Variants in B3GLCT observed in about 807,000 individuals in gnomAD.
B3GLCT encodes the protein beta-1,3-glucosyltransferase.
A neutral mutation model predicts 63.4 loss-of-function variants in B3GLCT; 65 were observed. The ratio of observed to expected loss-of-function variants is 1.03; its 90% CI spans 0.84 to 1.26. The LOEUF is 1.26. Among genes scored for constraint, B3GLCT ranks in the 50% most tolerant of loss-of-function variants. The pLI, the probability that B3GLCT is intolerant of heterozygous loss-of-function variation, is 0.00. For missense variants in B3GLCT, 577 were observed against 604.8 expected (o/e 0.95, Z 0.48); for synonymous variants, 233 against 219.2 (o/e 1.06, Z -0.55).
intron 12 of B3GLCT, among the ~76,000 whole-genome samples, chr13:31,302,151 G>C (rs986694076): frequency 2.0e-5 from 3 of 152,100 alleles, no homozygotes; most frequent in Admixed American, 6.5e-5. Flanking sequence ...GTAAAGCTTA[G>C]ACCACAAATT....
intron 10 of B3GLCT, among the ~76,000 whole-genome samples, chr13:31,282,300 C>G (rs1873107404): frequency 6.6e-6 from 1 of 151,978 alleles, no homozygotes; most frequent in African/African-American, 2.4e-5. Context: ...GAAAATAAAG[C>G]CTTAAGCTGT....
chr13:31,206,244 T>C lies in B3GLCT; in HGVS notation c.70+6090T>C, dbSNP rs187254620. ...GACTTCAGCACACATGAGAATCATC[T>C]GTGTGTCCTAAAGAAGCCTGTATTT... On this transcript the variant is annotated intron_variant, in intron 1 of 14. Coordinates refer to ENST00000343307, the MANE Select transcript of B3GLCT (RefSeq NM_194318.4). 1.7e-4 allele frequency among the ~76,000 whole-genome samples: 26 copies of C among 152,338 alleles called. 1 individual carries two copies. In the East Asian group the frequency reaches 5.0e-3, roughly 29 times the overall value.
Position 31,252,698 on chromosome 13 carries a change from G to T in B3GLCT, c.459+4732G>T, listed in dbSNP as rs146223515. Among the ~76,000 whole-genome samples the T allele has an allele frequency of 9.1e-4, 139 of 152,252 alleles. 3 individuals carry two copies. In the East Asian group the frequency reaches 0.011, roughly 12 times the overall value. On this transcript the variant is annotated intron_variant, in intron 6 of 14. Coordinates refer to ENST00000343307, the MANE Select transcript of B3GLCT (RefSeq NM_194318.4). ...CTAAATATATGCACTCAATACAGGA[G>T]CACCCAGATTCATAAAGCAAGCTCT...
chr13:31,301,295 G>A lies in B3GLCT; in HGVS notation c.1064+14476G>A, dbSNP rs115725743. On this transcript the variant is annotated intron_variant, in intron 12 of 14. Transcript: ENST00000343307. ...GCAGAGGGGGCTATCAAATGGGGAA[G>A]TTGTCCCCACCAGCTCTTCAGTTTC... Among the ~76,000 whole-genome samples the A allele has an allele frequency of 4.1e-3, 619 of 152,318 alleles. 3 individuals are homozygous for A. Among genetic ancestry groups the A allele is most frequent in the African/African-American group, 0.014 (591 of 41,568 alleles).
In B3GLCT at chr13:31,237,374, A is replaced by G. The variant is rs1392384948; in HGVS notation, c.270+8080A>G. Among the ~76,000 whole-genome samples the G allele has an allele frequency of 3.9e-4, 41 of 106,188 alleles. 1 individual carries two copies. Among genetic ancestry groups the G allele is most frequent in the Non-Finnish European group, 5.7e-4 (30 of 52,304 alleles). The allele number at this position is 106,188 out of a possible 152,430, so 69.7% of individuals were successfully genotyped here. ...GGCTGTTTTTTTTTTTTTTTTTTAG[A>G]TGGAGTTTTGCTTCTGTTTCCTAGG... On this transcript the variant is annotated intron_variant, in intron 4 of 14. Coordinates refer to ENST00000343307, the MANE Select transcript of B3GLCT (RefSeq NM_194318.4).
rs1399326537 is a variant in B3GLCT, at chr13:31,247,046, T to C, written c.294T>C (p.Leu98=). Residue 98 remains leucine (L), a synonymous_variant, in exon 5 of 15, where the codon CTT becomes CTC. Transcript: ENST00000343307. ...LTQELPSVLL[L]HQLAKQEGAW... ...AGGAGCTCCCCAGTGTCCTCCTCCTTCATCAGCTGGCTAAACAAGAAGGTG... is the reference window on the plus strand; with the variant it reads ...AGGAGCTCCCCAGTGTCCTCCTCCTCCATCAGCTGGCTAAACAAGAAGGTG... 1 of 1,613,518 alleles carries C rather than the reference T, an allele frequency of 6.2e-7. No homozygotes were observed. The highest frequency in any genetic ancestry group is 8.5e-7 in the Non-Finnish European group (1 of 1,179,756).
chr13:31,294,149 G>C (rs1296116633), intron 12 of B3GLCT, among the ~76,000 whole-genome samples: 1 of 152,126 alleles, frequency 6.6e-6, no homozygotes, highest in African/African-American at 2.4e-5. Flanking sequence ...TTCTCTTCTT[G>C]TGGCTTATAG....
intron 14 of B3GLCT, among the ~76,000 whole-genome samples, chr13:31,325,421 T>C (rs747512631): frequency 2.0e-5 from 3 of 152,228 alleles, no homozygotes; most frequent in Non-Finnish European, 2.9e-5. Context: ...AGGGAAATAA[T>C]TTATCAAGGT....
At chr13:31,254,742 C>T (rs375936865) in intron 6 of B3GLCT, among the ~76,000 whole-genome samples, 18 of 152,174 alleles carry the variant, frequency 1.2e-4, no homozygotes, top group East Asian at 3.9e-4. Flanking sequence ...GCAGATGACA[C>T]GATTGTATAT....
At chr13:31,236,594 G>A (rs1198097671) in intron 4 of B3GLCT, among the ~76,000 whole-genome samples, 1 of 152,182 alleles carries the variant, frequency 6.6e-6, no homozygotes, top group Non-Finnish European at 1.5e-5. Flanking sequence ...GATGAAGCCA[G>A]CTAAGAGCAC....
At chr13:31,279,504 A>G (rs137901327) in intron 10 of B3GLCT, among the ~76,000 whole-genome samples, 3,994 of 152,224 alleles carry the variant, frequency 0.026, 184 homozygotes, top group African/African-American at 0.091. Flanking sequence ...TAAAACCAGC[A>G]AGTTTTTATT....
At chr13:31,225,922 C>T (rs759893383) in intron 3 of B3GLCT, among the ~76,000 whole-genome samples, 19 of 152,272 alleles carry the variant, frequency 1.2e-4, no homozygotes, top group Admixed American at 3.3e-4. Flanking sequence ...TTTGTCTTAA[C>T]GGATCTGCCT....
At chr13:31,296,014 A>G (rs1353229328) in intron 12 of B3GLCT, among the ~76,000 whole-genome samples, 1 of 152,162 alleles carries the variant, frequency 6.6e-6, no homozygotes, top group Non-Finnish European at 1.5e-5. Context: ...CTGGGCTGGA[A>G]TGCACCATTC....
At chr13:31,279,928 C>G (rs1872980350) in intron 10 of B3GLCT, among the ~76,000 whole-genome samples, 2 of 152,180 alleles carry the variant, frequency 1.3e-5, no homozygotes, top group South Asian at 4.1e-4. Context: ...CAATATTTCT[C>G]CTATTTGCTT....
intron 14 of B3GLCT, among the ~76,000 whole-genome samples, chr13:31,328,308 A>T (rs1384058261): frequency 6.6e-6 from 1 of 152,230 alleles, no homozygotes; most frequent in Non-Finnish European, 1.5e-5. Flanking sequence ...AATGCATCAC[A>T]TCTAGTTTTA....
rs543918100 is a variant in B3GLCT, at chr13:31,297,960, T to G, written c.1064+11141T>G. Among the ~76,000 whole-genome samples, 11 of 152,334 alleles carry G rather than the reference T, an allele frequency of 7.2e-5. No individual in the cohort carries two copies. The South Asian group carries it at 2.3e-3, about 32-fold the overall frequency. On this transcript the variant is annotated intron_variant, in intron 12 of 14. Coordinates refer to ENST00000343307, the MANE Select transcript of B3GLCT (RefSeq NM_194318.4). ...AGGAACTCCACATGTTCAGATATTC[T>G]AAAGCTCTCTGAAGCCTGCTCTCTT...
intron 12 of B3GLCT, among the ~76,000 whole-genome samples, chr13:31,299,454 T>A (rs1308338942): frequency 2.6e-5 from 4 of 151,946 alleles, no homozygotes; most frequent in Admixed American, 2.6e-4. Context: ...CATGCCAGAG[T>A]CATTGTCTAT....
At chr13:31,286,875 A>C in intron 12 of B3GLCT, 56 bp downstream of exon 12, 1 of 1,239,882 alleles carries the variant, frequency 8.1e-7, no homozygotes, top group Non-Finnish European at 1.2e-6. Flanking sequence ...TTCATATTCA[A>C]AAAACTAGAT....
chr13:31,222,240 G>A (rs534084236), intron 2 of B3GLCT, among the ~76,000 whole-genome samples: 5 of 152,064 alleles, frequency 3.3e-5, no homozygotes, highest in East Asian at 1.9e-4. Context: ...CATCATGCCC[G>A]GCTAACTTTT....
Sources: allele counts gnomAD v4.1 joint callset (sites outside exome capture counted in the v4.1 genomes callset), GRCh38; gene constraint gnomAD v4.1.1; transcripts MANE v1.5; gene names NCBI Gene and HGNC (gene_info 2026-07-23, HGNC 2026-07-21).